Variants in ARHGAP5 observed in about 807,000 individuals in gnomAD.
The protein encoded by ARHGAP5 is rho GTPase-activating protein 5.
A neutral mutation model predicts 116.6 loss-of-function variants in ARHGAP5; 23 were observed. The ratio of observed to expected loss-of-function variants is 0.20; its 90% confidence interval spans 0.14 to 0.28. ARHGAP5 has a LOEUF of 0.28. Among genes scored for constraint, ARHGAP5 ranks in the 10% least tolerant of loss-of-function variants. The pLI, the probability that ARHGAP5 is intolerant of heterozygous loss-of-function variation, is 1.00. For missense variants in ARHGAP5, 1,405 were observed against 1,774.8 expected (o/e 0.79, Z 3.74); for synonymous variants, 574 against 602.0 (o/e 0.95, Z 0.68).
intron 3 of ARHGAP5, among the ~76,000 whole-genome samples, chr14:32,136,324 T>C (rs962848057): frequency 3.9e-5 from 6 of 152,212 alleles, no homozygotes; most frequent in Non-Finnish European, 8.8e-5. Flanking sequence ...ATCTGCTTTC[T>C]CTTTAAGTTG....
chr14:32,100,235 G>A (rs1306841646), intron 2 of ARHGAP5, among the ~76,000 whole-genome samples: 1 of 152,082 alleles, frequency 6.6e-6, no homozygotes, highest in African/African-American at 2.4e-5. Context: ...TAATCTTGCT[G>A]TGTTGCCCAG....
At chr14:32,077,537 A>G in intron 1 of ARHGAP5, 102 bp downstream of exon 1, 1 of 626,784 alleles carries the variant, frequency 1.6e-6, no homozygotes, top group Admixed American at 2.6e-5. Flanking sequence ...TGCCGGTTGT[A>G]ACCAGTTGAA....
chr14:32,159,442 T>A lies in ARHGAP5; in HGVS notation c.*4494T>A, dbSNP rs1882022229. ...ATTTTTTTAAGTTTATTTTTTGTATTAGATTTTATTTGAATAAGTTATGTG... is the reference window on the plus strand; with the variant it reads ...ATTTTTTTAAGTTTATTTTTTGTATAAGATTTTATTTGAATAAGTTATGTG... On this transcript the variant is annotated 3_prime_UTR_variant, in exon 7 of 7. Transcript: ENST00000345122. The A allele has an allele frequency of 6.6e-6, 1 of 152,152 alleles. No individual in the cohort carries two copies. The highest frequency in any genetic ancestry group is 1.5e-5 in the Non-Finnish European group (1 of 68,008). The allele number at this position is 152,152 out of a possible 1,614,324, so 9.4% of individuals were successfully genotyped here. A position where few individuals can be genotyped will look rare whatever the true frequency, so the allele number is the denominator to read the frequency against.
chr14:32,122,485 T>C (rs1254171819), intron 3 of ARHGAP5, among the ~76,000 whole-genome samples: 1 of 152,218 alleles, frequency 6.6e-6, no homozygotes, highest in African/African-American at 2.4e-5. Flanking sequence ...CTTGAAGATA[T>C]GCTTTGAAGG....
intron 4 of ARHGAP5, among the ~76,000 whole-genome samples, chr14:32,147,502 C>T (rs375830482): frequency 5.3e-5 from 8 of 152,116 alleles, no homozygotes; most frequent in East Asian, 1.9e-4. Context: ...GTATCTTGTA[C>T]GCTGTTGGTT....
intron 1 of ARHGAP5, among the ~76,000 whole-genome samples, chr14:32,077,950 C>G (rs980663800): frequency 1.2e-4 from 19 of 152,142 alleles, no homozygotes; most frequent in African/African-American, 4.1e-4. Context: ...TTTCACTTTC[C>G]CTCATCTCCT....
chr14:32,099,869 A>T (rs1476719079), intron 2 of ARHGAP5, among the ~76,000 whole-genome samples: 1 of 152,190 alleles, frequency 6.6e-6, no homozygotes, highest in Non-Finnish European at 1.5e-5. Flanking sequence ...TGTTTGTCTT[A>T]AACTGAGCTT....
chr14:32,091,005 G>T lies in ARHGAP5; in HGVS notation c.336G>T (p.Leu112Phe). ...TCTTGCCTCATCGGAGTACGAATTT[G>T]CAACCATATATAAAACGTGCAGCTG... ...QTFLPHRSTN[L>F]QPYIKRAAAS... is the part of the protein sequence containing the mutation. The change falls in exon 2 of 7, where the codon TTG becomes TTT. Residue 112 changes from leucine to phenylalanine, a missense_variant. Physicochemically the swap from Leu to Phe is conservative, Grantham distance 22. This residue lies in a region of ARHGAP5 where 190 missense variants were observed against 314.9 expected (regional missense o/e 0.60). Coordinates refer to ENST00000345122, the MANE Select transcript of ARHGAP5 (RefSeq NM_001030055.2). The T allele has an allele frequency of 6.2e-7, 1 of 1,613,642 alleles. No individual in the cohort carries two copies. The highest frequency in any genetic ancestry group is 8.5e-7 in the Non-Finnish European group (1 of 1,179,678).
At chr14:32,131,073 C>T (rs934279420) in intron 3 of ARHGAP5, among the ~76,000 whole-genome samples, 1 of 152,100 alleles carries the variant, frequency 6.6e-6, no homozygotes, top group African/African-American at 2.4e-5. Flanking sequence ...ACATTCTCTT[C>T]ACATAACTGC....
chr14:32,116,190 G>A (rs1475128428), intron 2 of ARHGAP5, among the ~76,000 whole-genome samples: 1 of 151,726 alleles, frequency 6.6e-6, no homozygotes, highest in Non-Finnish European at 1.5e-5. Flanking sequence ...CGGAGGCTGA[G>A]GCAGGAGAAT....
chr14:32,106,816 T>C (rs1879042600), intron 2 of ARHGAP5, among the ~76,000 whole-genome samples: 1 of 152,170 alleles, frequency 6.6e-6, no homozygotes, highest in Non-Finnish European at 1.5e-5. Context: ...TATTAACAAG[T>C]GCCTAATAGA....
chr14:32,116,363 G>C (rs1366923680), intron 2 of ARHGAP5, among the ~76,000 whole-genome samples: 1 of 151,922 alleles, frequency 6.6e-6, no homozygotes, highest in African/African-American at 2.4e-5. Context: ...GGCCGAGGCG[G>C]GTGGATCACG....
chr14:32,150,784 A>T (rs911878723), intron 5 of ARHGAP5, among the ~76,000 whole-genome samples: 2 of 152,210 alleles, frequency 1.3e-5, no homozygotes, highest in African/African-American at 4.8e-5. Flanking sequence ...ATAGCAGACC[A>T]TGTGTTGTAA....
intron 3 of ARHGAP5, among the ~76,000 whole-genome samples, chr14:32,138,182 T>C (rs1271434782): frequency 1.3e-5 from 2 of 152,088 alleles, no homozygotes; most frequent in Admixed American, 6.5e-5. Context: ...TTCAGATTGC[T>C]CATTGCTGGA....
chr14:32,090,819 T>C lies in ARHGAP5; in HGVS notation c.150T>C (p.Tyr50=), dbSNP rs139278127. 1.6e-3 allele frequency: 2,508 copies of C among 1,613,676 alleles called. 1 individual carries two copies. The highest frequency in any genetic ancestry group is 2.0e-3 in the Non-Finnish European group (2,367 of 1,179,644). Residue 50 remains tyrosine, a synonymous_variant, in exon 2 of 7, where the codon TAT becomes TAC. Transcript: ENST00000345122. ...RFVRSKADEY[Y]PEHTSVLSTI... ...TACGCTCAAAAGCAGATGAATATTA[T>C]CCAGAGCATACTTCTGTGCTTAGCA...
chr14:32,093,906 G>A lies in ARHGAP5; in HGVS notation c.3237G>A (p.Leu1079=). 6.2e-7 allele frequency: 1 copy of A among 1,614,060 alleles called. No homozygotes were observed. The highest frequency in any genetic ancestry group is 8.5e-7 in the Non-Finnish European group (1 of 1,180,004). Residue 1079 remains leucine, a synonymous_variant, in exon 2 of 7, where the codon TTG becomes TTA. Transcript: ENST00000345122. ...NPRKQTSRVP[L]AHPEDMDPSD... ...GAAAGCAGACTTCCCGGGTGCCTTT[G>A]GCACATCCTGAAGATATGGATCCTT...
intron 1 of ARHGAP5, among the ~76,000 whole-genome samples, chr14:32,084,029 G>A (rs1260023715): frequency 1.3e-5 from 2 of 152,144 alleles, no homozygotes; most frequent in Non-Finnish European, 2.9e-5. Flanking sequence ...TGATCCTTCT[G>A]TTTCCCATAC....
intron 1 of ARHGAP5, among the ~76,000 whole-genome samples, chr14:32,086,832 T>C (rs544973417): frequency 1.3e-5 from 2 of 151,114 alleles, no homozygotes; most frequent in South Asian, 4.1e-4. Flanking sequence ...AGATAATTTC[T>C]ATAAGATTAT....
intron 5 of ARHGAP5, among the ~76,000 whole-genome samples, chr14:32,150,452 C>A (rs927124560): frequency 2.6e-5 from 4 of 152,170 alleles, no homozygotes; most frequent in Non-Finnish European, 5.9e-5. Context: ...TAATTTATTT[C>A]TTACAGTTCT....
Sources: gnomAD v4.1 joint callset for allele counts (sites outside exome capture counted in the v4.1 genomes callset) on GRCh38, gnomAD v4.1.1 for gene constraint, gnomAD v4.1.1 regional missense constraint, MANE v1.5 for transcripts, NCBI Gene and HGNC (gene_info 2026-07-23, HGNC 2026-07-21) for gene names.